Variants in MREG observed in about 807,000 individuals in gnomAD.
The protein encoded by MREG is melanoregulin.
A neutral mutation model predicts 28.5 loss-of-function variants in MREG; 31 were observed. That is an observed-to-expected ratio of 1.09 (90% CI 0.82 to 1.47). The LOEUF is 1.47. Ranked by LOEUF, MREG falls within the 40% of genes most tolerant of loss-of-function variation. MREG has a pLI of 0.00. For missense variants in MREG, 256 were observed against 257.4 expected, an observed-to-expected ratio of 0.99 and a Z score of 0.04; for synonymous variants, 106 against 95.2, an observed-to-expected ratio of 1.11 and a Z score of -0.66.
At chr2:215,946,630 GCTGT>G (rs1428892166) in intron 3 of MREG, among the ~76,000 whole-genome samples, 3 of 152,116 alleles carry the variant, frequency 2.0e-5, no homozygotes, top group Non-Finnish European at 4.4e-5. Context: ...ACTGAGTTTT[GCTGT>G]CTGTCTTGCA....
At chr2:216,022,067 G>A (rs774879726) in intron 1 of MREG, among the ~76,000 whole-genome samples, 10 of 152,202 alleles carry the variant, frequency 6.6e-5, no homozygotes, top group East Asian at 1.9e-4. Flanking sequence ...GTGAAACTCC[G>A]TCTCTGCTAA....
At chr2:216,010,352 C>CTATTTTTTTTT (rs1332869944) in intron 1 of MREG, among the ~76,000 whole-genome samples, 6 of 75,630 alleles carry the variant, frequency 7.9e-5, no homozygotes, top group African/African-American at 2.9e-4. Flanking sequence ...GAAAAGATTT[C>CTATTTTTTTTT]TCTTTTTTTT....
At chr2:215,989,984 C>G (rs2106009771) in intron 2 of MREG, among the ~76,000 whole-genome samples, 1 of 152,226 alleles carries the variant, frequency 6.6e-6, no homozygotes, top group South Asian at 2.1e-4. Context: ...AGGATATTAT[C>G]CACAAGAACT....
At chr2:215,991,644 C>G (rs1693723476) in intron 2 of MREG, among the ~76,000 whole-genome samples, 1 of 150,796 alleles carries the variant, frequency 6.6e-6, no homozygotes, top group Non-Finnish European at 1.5e-5. Flanking sequence ...AACAGATAGA[C>G]AACTAGCAAG....
At chr2:215,994,763 T>C (rs1331057318) in intron 2 of MREG, among the ~76,000 whole-genome samples, 2 of 152,100 alleles carry the variant, frequency 1.3e-5, no homozygotes, top group Non-Finnish European at 2.9e-5. Context: ...TCCTCTGCTG[T>C]CTTCTGAAAA....
At chr2:215,959,409 TC>T (rs1692720434) in intron 2 of MREG, among the ~76,000 whole-genome samples, 1 of 152,132 alleles carries the variant, frequency 6.6e-6, no homozygotes, top group Non-Finnish European at 1.5e-5. Context: ...CTTAATCCCA[TC>T]TTCCAAATCT....
intron 2 of MREG, among the ~76,000 whole-genome samples, chr2:215,955,432 T>C (rs1574596807): frequency 6.6e-6 from 1 of 152,310 alleles, no homozygotes; most frequent in East Asian, 1.9e-4. Context: ...CCTTTGGGAA[T>C]TTTCATTTCA....
At chr2:215,985,511 G>A (rs1693543993) in intron 2 of MREG, among the ~76,000 whole-genome samples, 2 of 152,198 alleles carry the variant, frequency 1.3e-5, no homozygotes, top group Non-Finnish European at 2.9e-5. Flanking sequence ...TTCTGTCTAT[G>A]AGATTTAAAT....
Position 215,944,991 on chromosome 2 carries a change from G to C in MREG, c.517C>G (p.Leu173Val). Reference sequence around the variant, plus strand: ...TCTTCTGCAGCATCAAGTGCAATGAGACGGTCCTGCAAAAACAAACAACAA... The same window carrying C: ...TCTTCTGCAGCATCAAGTGCAATGACACGGTCCTGCAAAAACAAACAACAA... ...SERYLFVVDR[L>V]IALDAAEEFF... Residue 173 changes from leucine (L) to valine (V), a missense_variant, in exon 5 of 5, where the codon CTC becomes GTC. Physicochemically the swap from Leu to Val is conservative, Grantham distance 32. Coordinates refer to ENST00000263268, the MANE Select transcript of MREG (RefSeq NM_018000.3). 1 of 1,577,860 alleles carries C rather than the reference G, an allele frequency of 6.3e-7. No homozygotes were observed. The highest frequency in any genetic ancestry group is 8.7e-7 in the Non-Finnish European group (1 of 1,151,970).
rs1692277426 is a variant in MREG, at chr2:215,944,757, C to T, written c.*106G>A. 8.5e-7 allele frequency: 1 copy of T among 1,178,710 alleles called. No individual in the cohort carries two copies. Among genetic ancestry groups the T allele is most frequent in the East Asian group, 2.4e-5 (1 of 41,646 alleles). The allele number at this position is 1,178,710 out of a possible 1,614,324, so 73.0% of individuals were successfully genotyped here. On this transcript the variant is annotated 3_prime_UTR_variant, in exon 5 of 5. Coordinates refer to ENST00000263268, the MANE Select transcript of MREG (RefSeq NM_018000.3). ...ATGTAGAATTCAGTATCATTTTTCA[C>T]TAAGCAAACTCTATTTGCTCACTCT...
At chr2:216,025,458 T>C (rs1348138445) in intron 1 of MREG, among the ~76,000 whole-genome samples, 1 of 152,198 alleles carries the variant, frequency 6.6e-6, no homozygotes, top group Non-Finnish European at 1.5e-5. Context: ...AGGAGATTTA[T>C]TATGAGTGTG....
intron 1 of MREG, among the ~76,000 whole-genome samples, chr2:216,021,794 T>C (rs1159576173): frequency 6.6e-6 from 1 of 152,228 alleles, no homozygotes; most frequent in African/African-American, 2.4e-5. Flanking sequence ...GCAATTATTG[T>C]TAAGTATTCA....
At chr2:215,959,706 T>C (rs921707533) in intron 2 of MREG, among the ~76,000 whole-genome samples, 1 of 152,062 alleles carries the variant, frequency 6.6e-6, no homozygotes, top group Non-Finnish European at 1.5e-5. Context: ...CCACACAGAG[T>C]CTGCCTCTGA....
intron 2 of MREG, among the ~76,000 whole-genome samples, chr2:215,957,557 A>G (rs1692658176): frequency 6.6e-6 from 1 of 152,170 alleles, no homozygotes; most frequent in South Asian, 2.1e-4. Flanking sequence ...CTGAGATTCT[A>G]AGGACTGAGG....
intron 2 of MREG, among the ~76,000 whole-genome samples, chr2:215,986,895 C>A (rs1006677265): frequency 1.3e-5 from 2 of 152,178 alleles, no homozygotes; most frequent in Non-Finnish European, 2.9e-5. Context: ...ATACATGAAG[C>A]ACTGTCACAA....
chr2:215,945,698 G>A lies in MREG; in HGVS notation c.383C>T (p.Thr128Ile), dbSNP rs1692301214. ...AGAATCACTGATGGTGCTGAGTTTA[G>A]TCACTGACAACAAAGAGTCAGCTTC... Reference protein sequence around the residue: ...QKEADSLLSVTKLSTISDSKN... With the variant: ...QKEADSLLSVIKLSTISDSKN... Residue 128 changes from threonine to isoleucine, a missense_variant, in exon 4 of 5, where the codon ACT (threonine) becomes ATT (isoleucine). Thr to Ile is a moderately conservative substitution (Grantham distance 89). Transcript: ENST00000263268. The A allele has an allele frequency of 6.2e-7, 1 of 1,613,782 alleles. No homozygotes were observed. The highest frequency in any genetic ancestry group is 1.3e-5 in the African/African-American group (1 of 75,022).
At chr2:216,001,714 T>C (rs948001900) in intron 1 of MREG, among the ~76,000 whole-genome samples, 1 of 152,218 alleles carries the variant, frequency 6.6e-6, no homozygotes, top group East Asian at 1.9e-4. Context: ...TCTGTGAGAG[T>C]TGGCCTGGCT....
At chr2:216,003,727 T>C (rs1341024107) in intron 1 of MREG, among the ~76,000 whole-genome samples, 1 of 152,108 alleles carries the variant, frequency 6.6e-6, no homozygotes, top group East Asian at 1.9e-4. Context: ...TCCTTCCCAT[T>C]GCTCAGGCCA....
intron 1 of MREG, 68 bp from the exon 2 acceptor site, chr2:215,996,533 G>A (rs957006335): frequency 9.7e-6 from 11 of 1,135,164 alleles, no homozygotes; most frequent in African/African-American, 4.7e-5. Flanking sequence ...TCATATGCAT[G>A]CAACATACAA....
Sources: gnomAD v4.1 joint callset for allele counts (sites outside exome capture counted in the v4.1 genomes callset) on GRCh38, gnomAD v4.1.1 for gene constraint, MANE v1.5 for transcripts, NCBI Gene and HGNC (gene_info 2026-07-23, HGNC 2026-07-21) for gene names.